Variants in DAB1 observed in about 807,000 individuals in gnomAD.
DAB1 encodes the protein disabled homolog 1.
Under a neutral mutation model 64.6 loss-of-function variants are expected in DAB1, and 15 were observed. The ratio of observed to expected loss-of-function variants is 0.23; its 90% CI spans 0.16 to 0.36. The LOEUF is 0.36. DAB1 is among the 10% of genes least tolerant of loss of function. The pLI is 1.00. For missense variants in DAB1, 596 were observed against 706.7 expected, an observed-to-expected ratio of 0.84 and a Z score of 1.78; for synonymous variants, 235 against 251.9, an observed-to-expected ratio of 0.93 and a Z score of 0.64.
At chr1:58,365,642 T>C (rs1557740606) in intron 3 of DAB1, among the ~76,000 whole-genome samples, 1 of 152,188 alleles carries the variant, frequency 6.6e-6, no homozygotes, top group Admixed American at 6.5e-5. Context: ...CCTCCTTCTT[T>C]TCACAGGTGT....
intron 4 of DAB1, among the ~76,000 whole-genome samples, chr1:58,202,868 T>C (rs113325794): frequency 2.0e-5 from 3 of 152,288 alleles, no homozygotes; most frequent in African/African-American, 7.2e-5. Context: ...CAGCAAAACA[T>C]CTGTTTGATT....
intron 7 of DAB1, among the ~76,000 whole-genome samples, chr1:57,508,938 CATT>C (rs1377567149): frequency 1.3e-5 from 2 of 151,208 alleles, no homozygotes; most frequent in Non-Finnish European, 2.9e-5. Context: ...ATATAAAATG[CATT>C]AATATATGAT....
At chr1:57,397,468 T>A (rs1682905578) in intron 1 of DAB1, among the ~76,000 whole-genome samples, 2 of 152,180 alleles carry the variant, frequency 1.3e-5, no homozygotes, top group South Asian at 4.1e-4. Context: ...AGGGACACAC[T>A]CTGATTTGAT....
At chr1:57,629,261 T>C (rs1645959152) in intron 7 of DAB1, among the ~76,000 whole-genome samples, 1 of 152,204 alleles carries the variant, frequency 6.6e-6, no homozygotes, top group East Asian at 1.9e-4. Flanking sequence ...CAGAAACACA[T>C]GCATTTCTTA....
At chr1:57,143,456 T>C (rs1032449867) in intron 3 of DAB1, among the ~76,000 whole-genome samples, 31 of 152,104 alleles carry the variant, frequency 2.0e-4, no homozygotes, top group Non-Finnish European at 4.1e-4. Flanking sequence ...AAAAAAAAGA[T>C]GCACTAACTT....
chr1:58,240,654 T>C (rs1434628637), intron 4 of DAB1, among the ~76,000 whole-genome samples: 4 of 152,190 alleles, frequency 2.6e-5, no homozygotes, highest in Admixed American at 6.5e-5. Context: ...TCCCAGAATA[T>C]AGTTGTAAAC....
At chr1:57,929,018 G>T (rs74802322) in intron 5 of DAB1, among the ~76,000 whole-genome samples, 6,059 of 152,248 alleles carry the variant, frequency 0.04, 147 homozygotes, top group Middle Eastern at 0.068. Flanking sequence ...ACTGCCAAGC[G>T]GGCTTCCAAA....
At chr1:58,118,643 A>T (rs2100667115) in intron 5 of DAB1, among the ~76,000 whole-genome samples, 1 of 143,842 alleles carries the variant, frequency 7.0e-6, no homozygotes, top group African/African-American at 2.6e-5. Flanking sequence ...ATATATAAAG[A>T]TCCTGTAGCA....
rs564594384 is a variant in DAB1, at chr1:58,018,299, C to T, written n.387+132212G>A. On this transcript the variant is annotated intron_variant and non_coding_transcript_variant, in intron 5 of 20. Coordinates refer to the DAB1 transcript ENST00000485760. Reference sequence around the variant, plus strand: ...TTTGTCTTTCCTTCAGTAGCTGGGACTACTCCCCAGCTGCCAGAATCTCTG... The same window carrying T: ...TTTGTCTTTCCTTCAGTAGCTGGGATTACTCCCCAGCTGCCAGAATCTCTG... Among the ~76,000 whole-genome samples the T allele has an allele frequency of 2.0e-5, 3 of 152,104 alleles. No individual in the cohort carries two copies. In the South Asian group the frequency reaches 6.2e-4, roughly 32 times the overall value.
At chr1:57,026,098 C>A (rs1646777949) in intron 9 of DAB1, 55 bp from the exon 10 acceptor site, 1 of 1,327,400 alleles carries the variant, frequency 7.5e-7, no homozygotes, top group African/African-American at 1.5e-5. Context: ...TGCTGCTGGG[C>A]CCTGCTTTAC....
intron 3 of DAB1, among the ~76,000 whole-genome samples, chr1:58,484,089 CAG>C (rs1303794577): frequency 6.6e-6 from 1 of 152,182 alleles, no homozygotes; most frequent in East Asian, 1.9e-4. Context: ...TTCGCTTATT[CAG>C]TCTTTTTAAT....
intron 2 of DAB1, among the ~76,000 whole-genome samples, chr1:57,231,386 G>A (rs657471): frequency 0.7 from 107,127 of 152,100 alleles, 37,845 homozygotes; most frequent in East Asian, 0.85. Context: ...CATCTGCTAC[G>A]TATCTACTTC....
At chr1:57,183,883 G>A (rs1159992013) in intron 2 of DAB1, among the ~76,000 whole-genome samples, 1 of 152,118 alleles carries the variant, frequency 6.6e-6, no homozygotes, top group Non-Finnish European at 1.5e-5. Context: ...GATGGGAAAG[G>A]AAGAATCATG....
intron 1 of DAB1, among the ~76,000 whole-genome samples, chr1:57,359,702 G>T (rs901188723): frequency 6.6e-6 from 1 of 151,718 alleles, no homozygotes; most frequent in African/African-American, 2.4e-5. Context: ...GTCCATCAAG[G>T]ATAAATAAAT....
At chr1:58,337,342 G>A (rs1663144860) in intron 4 of DAB1, among the ~76,000 whole-genome samples, 1 of 151,716 alleles carries the variant, frequency 6.6e-6, no homozygotes, top group Non-Finnish European at 1.5e-5. Context: ...GAGTAACGTG[G>A]TGGTTAAAAG....
chr1:57,604,873 A>T (rs1434672410), intron 7 of DAB1, among the ~76,000 whole-genome samples: 1 of 151,922 alleles, frequency 6.6e-6, no homozygotes, highest in South Asian at 2.1e-4. Context: ...ATTTTTACAT[A>T]TTTTCCTTGC....
At chr1:57,719,573 T>C (rs1405784834) in intron 6 of DAB1, among the ~76,000 whole-genome samples, 11 of 152,202 alleles carry the variant, frequency 7.2e-5, no homozygotes, top group Admixed American at 6.5e-4. Flanking sequence ...GTTCTCCTGA[T>C]AGTGAGTGAG....
intron 1 of DAB1, among the ~76,000 whole-genome samples, chr1:57,855,416 T>C (rs1557518753): frequency 6.6e-6 from 1 of 152,178 alleles, no homozygotes; most frequent in Non-Finnish European, 1.5e-5. Context: ...GATCATTTCA[T>C]ACACAAATTA....
intron 7 of DAB1, among the ~76,000 whole-genome samples, chr1:57,546,105 A>G (rs1880441): frequency 0.91 from 136,575 of 150,594 alleles, 63,373 homozygotes; most frequent in East Asian, 1. Flanking sequence ...GTGTGCGCGC[A>G]CGTGTGCATG....
Sources: gnomAD v4.1 joint callset for allele counts (sites outside exome capture counted in the v4.1 genomes callset) on GRCh38, gnomAD v4.1.1 for gene constraint, MANE v1.5 for transcripts, NCBI Gene and HGNC (gene_info 2026-07-23, HGNC 2026-07-21) for gene names.